Variants in ZNF679 observed in about 807,000 individuals in gnomAD.
ZNF679 encodes the protein zinc finger protein 679.
In ZNF679, 10 loss-of-function variants were observed where a neutral mutation model predicts 13.4. The observed-to-expected ratio is 0.75, with a 90% confidence interval of 0.46 to 1.27. The LOEUF (loss-of-function observed/expected upper bound fraction) is 1.27. Ranked by LOEUF, ZNF679 falls within the 50% of genes most tolerant of loss-of-function variation. ZNF679 has a pLI of 0.00. For synonymous variants in ZNF679, 179 were observed against 162.5 expected, an observed-to-expected ratio of 1.10 and a Z score of -0.77; for missense variants, 525 against 477.8, an observed-to-expected ratio of 1.10 and a Z score of -0.92.
chr7:64,230,675 G>T (rs1037845266), intron 1 of ZNF679, among the ~76,000 whole-genome samples: 8 of 152,168 alleles, frequency 5.3e-5, no homozygotes, highest in Admixed American at 1.3e-4. Context: ...CTGGGCCAAG[G>T]TATATGTCAC....
intron 2 of ZNF679, 71 bp downstream of exon 2, chr7:64,249,227 A>G: frequency 1.9e-6 from 3 of 1,613,500 alleles, no homozygotes; most frequent in South Asian, 2.2e-5. Flanking sequence ...TGGCTGTAGC[A>G]GGACCCAAAC....
intron 1 of ZNF679, among the ~76,000 whole-genome samples, chr7:64,247,842 C>T (rs1448583419): frequency 2.0e-5 from 3 of 150,348 alleles, no homozygotes; most frequent in East Asian, 2.0e-4. Flanking sequence ...TGAGCCTCTG[C>T]GCCTGGCCCT....
chr7:64,259,552 G>T lies in ZNF679; in HGVS notation c.40-669G>T, dbSNP rs146880063. 8.4e-3 allele frequency among the ~76,000 whole-genome samples: 1,285 copies of T among 152,244 alleles called. 20 individuals are homozygous for T. The highest frequency in any genetic ancestry group is 0.029 in the African/African-American group (1,201 of 41,540). ...TTGCTCTCTAGGGTGCTAAAGAAAG[G>T]CTACTTAATGTTACTATTAAAAATT... On this transcript the variant is annotated intron_variant, in intron 2 of 4. Coordinates refer to ENST00000421025, the MANE Select transcript of ZNF679 (RefSeq NM_153363.3).
intron 2 of ZNF679, among the ~76,000 whole-genome samples, chr7:64,249,466 G>A (rs949244693): frequency 1.3e-5 from 2 of 152,228 alleles, no homozygotes; most frequent in African/African-American, 4.8e-5. Flanking sequence ...CATCAGGGGA[G>A]AATCCCGACT....
rs777250257 is a variant in ZNF679, at chr7:64,260,303, A to G, written c.122A>G (p.Tyr41Cys). The change falls in exon 3 of 5, where the codon TAT becomes TGT. Residue 41 changes from tyrosine (Y) to cysteine (C), a missense_variant. Physicochemically the swap from Tyr to Cys is radical, Grantham distance 194 (BLOSUM62 -2). Transcript: ENST00000421025. ...CTGGATCACGCTCAGCAGAATTTAT[A>G]TAGAGATGTGATGTTAGAGAACTAC... is the stretch of plus-strand genomic sequence containing the variant. ...QCLDHAQQNL[Y>C]RDVMLENYRN... is the part of the protein sequence containing the mutation. The G allele has an allele frequency of 1.9e-6, 3 of 1,613,184 alleles. No individual in the cohort carries two copies. The highest frequency in any genetic ancestry group is 2.5e-6 in the Non-Finnish European group (3 of 1,179,660).
At chr7:64,258,747 T>C (rs1458045315) in intron 2 of ZNF679, among the ~76,000 whole-genome samples, 1 of 151,664 alleles carries the variant, frequency 6.6e-6, no homozygotes, top group Non-Finnish European at 1.5e-5. Context: ...TGGAATGCCA[T>C]GTGTTCGGAA....
intron 3 of ZNF679, 49 bp from the exon 4 acceptor site, chr7:64,260,785 T>A (rs781658773): frequency 6.4e-7 from 1 of 1,550,686 alleles, no homozygotes; most frequent in Non-Finnish European, 8.7e-7. Flanking sequence ...CGTTTGGTAA[T>A]TAAAGAATTC....
intron 1 of ZNF679, among the ~76,000 whole-genome samples, chr7:64,233,044 C>G (rs1374658701): frequency 7.2e-5 from 11 of 151,988 alleles, no homozygotes; most frequent in Admixed American, 7.2e-4. Flanking sequence ...AGTTCAAGAC[C>G]AGCTGGCCAA....
rs542868388 is a variant in ZNF679 at position 64,236,281 on chromosome 7, C to CT, written c.-91+7637dup. ...CTCTGTCAAAAAAAAGGAGTAAATT[C>CT]TTTTTTTTATTTTTAAGTTGAATGA... is the stretch of plus-strand genomic sequence containing the variant. On this transcript the variant is annotated intron_variant, in intron 1 of 4. Coordinates refer to ENST00000421025, the MANE Select transcript of ZNF679 (RefSeq NM_153363.3). 4.0e-4 allele frequency among the ~76,000 whole-genome samples: 61 copies of CT among 151,738 alleles called. No individual in the cohort carries two copies. In the East Asian group the frequency reaches 8.3e-3, roughly 21 times the overall value.
chr7:64,255,100 G>A (rs1787988563), intron 2 of ZNF679, among the ~76,000 whole-genome samples: 1 of 152,096 alleles, frequency 6.6e-6, no homozygotes, highest in Non-Finnish European at 1.5e-5. Flanking sequence ...CCTGGAGGGG[G>A]ACTCTGGGTG....
intron 1 of ZNF679, among the ~76,000 whole-genome samples, chr7:64,247,054 G>A (rs1372778919): frequency 6.6e-6 from 1 of 152,132 alleles, no homozygotes; most frequent in South Asian, 2.1e-4. Context: ...CATGGCATTC[G>A]TTAACTGTCA....
intron 2 of ZNF679, among the ~76,000 whole-genome samples, chr7:64,257,256 G>A (rs1271294266): frequency 1.3e-5 from 2 of 152,118 alleles, no homozygotes; most frequent in Non-Finnish European, 2.9e-5. Context: ...TCCCTTAGCT[G>A]TGACCCAGAG....
Position 64,266,380 on chromosome 7 carries a change from T to C in ZNF679, c.747T>C (p.Phe249=), listed in dbSNP as rs1189161055. The change falls in exon 5 of 5, where the codon TTT becomes TTC. Residue 249 remains phenylalanine, a synonymous_variant. Coordinates refer to ENST00000421025, the MANE Select transcript of ZNF679 (RefSeq NM_153363.3). The stretch of plus-strand genomic sequence containing the variant: ...GATGTGAGGAATGTGGCAAAGCTTT[T>C]ACCTGGTCCTCAACCCTTACTAAAC... ...PYRCEECGKA[F]TWSSTLTKHR... 8.7e-6 allele frequency: 14 copies of C among 1,613,566 alleles called. No individual in the cohort carries two copies. Among genetic ancestry groups the C allele is most frequent in the Non-Finnish European group, 1.2e-5 (14 of 1,179,834 alleles).
intron 2 of ZNF679, among the ~76,000 whole-genome samples, chr7:64,250,265 G>GTTTTTTTTTTTTTTTTTTTTTTTTTTT (rs11434714): frequency 4.4e-5 from 4 of 91,318 alleles, no homozygotes; most frequent in Non-Finnish European, 7.9e-5. Context: ...CTTTCCCTTG[G>GTTTTTTTTTTTTTTTTTTTTTTTTTTT]TTTTTTTTTT....
chr7:64,261,895 G>C (rs1417374502), intron 4 of ZNF679, among the ~76,000 whole-genome samples: 2 of 104,586 alleles, frequency 1.9e-5, no homozygotes, highest in African/African-American at 7.3e-5. Flanking sequence ...TTTCACTCTT[G>C]TTGCCTAGGC....
intron 4 of ZNF679, among the ~76,000 whole-genome samples, chr7:64,264,732 C>T (rs1788121693): frequency 6.6e-6 from 1 of 152,004 alleles, no homozygotes; most frequent in South Asian, 2.1e-4. Context: ...TCAAATGTGT[C>T]AGAGGACTAT....
chr7:64,265,024 A>G (rs1451108923), intron 4 of ZNF679, among the ~76,000 whole-genome samples: 1 of 151,786 alleles, frequency 6.6e-6, no homozygotes, highest in Non-Finnish European at 1.5e-5. Flanking sequence ...TTTCTCACTG[A>G]GCATAATATG....
At position 64,260,891 on chromosome 7, in the gene ZNF679, G is replaced by GGAAT; in HGVS notation, c.225_228dup (p.Ile77GlufsTer6). ...TGTCTGGAGCAAAATAAAGAGCCTT[G>GGAAT]GAATATAAAGAGAAATGAGATGGTA... On this transcript the variant is annotated frameshift_variant, in exon 4 of 5. Transcript: ENST00000421025. LOFTEE classifies it low-confidence loss of function (END_TRUNC). 1.2e-6 allele frequency: 2 copies of GGAAT among 1,612,138 alleles called. No individual in the cohort carries two copies. The highest frequency in any genetic ancestry group is 2.7e-5 in the African/African-American group (2 of 74,814).
chr7:64,229,693 C>T (rs1787610034), intron 1 of ZNF679, among the ~76,000 whole-genome samples: 3 of 152,144 alleles, frequency 2.0e-5, no homozygotes, highest in South Asian at 2.1e-4. Flanking sequence ...AGACCCTTAC[C>T]TGTGTCCCTA....
Sources: allele counts gnomAD v4.1 joint callset (sites outside exome capture counted in the v4.1 genomes callset), GRCh38; gene constraint gnomAD v4.1.1; transcripts MANE v1.5; gene names NCBI Gene and HGNC (gene_info 2026-07-23, HGNC 2026-07-21).